The following ACTN2 variants were observed in gnomAD, a reference collection of about 807,000 sequenced individuals.
ACTN2 encodes actinin alpha 2, also known as alpha-actinin-2.
In ACTN2, 39 loss-of-function variants were observed where a neutral mutation model predicts 113.8. The observed-to-expected ratio is 0.34, with a 90% CI of 0.27 to 0.45. The LOEUF (loss-of-function observed/expected upper bound fraction) is 0.45. Among genes scored for constraint, ACTN2 ranks in the 20% least tolerant of loss-of-function variants. ACTN2 has a pLI of 1.00. For missense variants in ACTN2, 992 were observed against 1,177.9 expected (o/e 0.84, Z 2.31); for synonymous variants, 429 against 444.1 (o/e 0.97, Z 0.43).
chr1:236,745,906 G>A (rs1363750021), intron 12 of ACTN2, among the ~76,000 whole-genome samples: 1 of 152,224 alleles, frequency 6.6e-6, no homozygotes, highest in East Asian at 1.9e-4. Flanking sequence ...GCTCACGCCT[G>A]TAACCCCAGC....
At chr1:236,746,272 G>A (rs1011684567) in intron 12 of ACTN2, among the ~76,000 whole-genome samples, 6 of 151,920 alleles carry the variant, frequency 3.9e-5, no homozygotes, top group African/African-American at 1.5e-4. Context: ...GTCTAATCCT[G>A]GACTGTTTTT....
intron 7 of ACTN2, chr1:236,734,539 T>G (rs1658808700): frequency 6.7e-7 from 1 of 1,489,826 alleles, no homozygotes; most frequent in Non-Finnish European, 9.0e-7. Flanking sequence ...AAACCATGAG[T>G]CACTGCTCAC....
chr1:236,717,184 C>T (rs1658244354), intron 1 of ACTN2, among the ~76,000 whole-genome samples: 1 of 151,600 alleles, frequency 6.6e-6, no homozygotes, highest in Non-Finnish European at 1.5e-5. Flanking sequence ...TGGCTCATGC[C>T]TGTAATCCCA....
At position 236,737,298 on chromosome 1, in the gene ACTN2, C is replaced by CATATATATATAT. The variant is rs67318171; in HGVS notation, c.876+93_876+104dup. ...AGGGTGAAAAAATACTCCGTGGGGG[C>CATATATATATAT]ATATATATATATATATATATTTTGC... On this transcript the variant is annotated intron_variant, in intron 9 of 20. Coordinates refer to ENST00000366578, the MANE Select transcript of ACTN2 (RefSeq NM_001103.4). 1.2e-3 allele frequency: 396 copies of CATATATATATAT among 344,282 alleles called. 39 individuals are homozygous for CATATATATATAT. Among genetic ancestry groups the CATATATATATAT allele is most frequent in the Admixed American group, 3.2e-3 (92 of 29,172 alleles). The allele number at this position is 344,282 out of a possible 1,614,324, so 21.3% of individuals were successfully genotyped here. A position where few individuals can be genotyped will look rare whatever the true frequency, so the allele number is the denominator to read the frequency against.
At chr1:236,761,198 G>A in intron 20 of ACTN2, 25 bp downstream of exon 20, 1 of 1,613,884 alleles carries the variant, frequency 6.2e-7, no homozygotes, top group Non-Finnish European at 8.5e-7. Context: ...ATTTCCTTCT[G>A]CTTTAGCAGG....
intron 1 of ACTN2, among the ~76,000 whole-genome samples, chr1:236,688,111 G>T (rs1665940755): frequency 6.6e-6 from 1 of 152,176 alleles, no homozygotes; most frequent in African/African-American, 2.4e-5. Context: ...GATTACTAAT[G>T]TGTCATCTGG....
intron 1 of ACTN2, among the ~76,000 whole-genome samples, chr1:236,711,710 G>A (rs576535691): frequency 1.3e-5 from 2 of 152,210 alleles, no homozygotes; most frequent in South Asian, 4.1e-4. Context: ...TTCCCATCTC[G>A]GTCTTCTTTT....
At chr1:236,748,093 C>T in intron 13 of ACTN2, 1 of 336,814 alleles carries the variant, frequency 3.0e-6, no homozygotes, top group Non-Finnish European at 5.7e-6. Context: ...GTAAATTGAG[C>T]TGTGAGTGAG....
At chr1:236,716,500 T>G (rs1658217096) in intron 1 of ACTN2, among the ~76,000 whole-genome samples, 1 of 152,182 alleles carries the variant, frequency 6.6e-6, no homozygotes, top group South Asian at 2.1e-4. Context: ...TAGATGTCAC[T>G]TAATATATGG....
intron 1 of ACTN2, among the ~76,000 whole-genome samples, chr1:236,715,366 AAAAT>A (rs1276933303): frequency 1.4e-5 from 2 of 142,744 alleles, no homozygotes; most frequent in African/African-American, 5.2e-5. Flanking sequence ...ACTCATTCAA[AAAAT>A]AAATACATAA....
chr1:236,686,645 C>A lies in ACTN2; in HGVS notation c.-29C>A. ...GCCCGTGCGTCCGAGCCCCTCGCGCCCCGCCGCAGCCCCGGCCAACCGAGC... is the reference window on the plus strand; with the variant it reads ...GCCCGTGCGTCCGAGCCCCTCGCGCACCGCCGCAGCCCCGGCCAACCGAGC... On this transcript the variant is annotated 5_prime_UTR_variant, in exon 1 of 21. Coordinates refer to ENST00000366578, the MANE Select transcript of ACTN2 (RefSeq NM_001103.4). 6.5e-7 allele frequency: 1 copy of A among 1,538,530 alleles called. No homozygotes were observed. The highest frequency in any genetic ancestry group is 8.8e-7 in the Non-Finnish European group (1 of 1,142,416).
chr1:236,739,338 G>A lies in ACTN2; in HGVS notation c.913G>A (p.Glu305Lys), dbSNP rs1281750006. The change falls in exon 10 of 21, where the codon GAG becomes AAG. Residue 305 changes from glutamate to lysine, a missense_variant. Glu to Lys is a moderately conservative substitution (Grantham distance 56, BLOSUM62 1). This residue lies in a region of ACTN2 where 736 missense variants were observed against 815.4 expected (regional missense o/e 0.90). Transcript: ENST00000366578. Reference protein sequence around the residue: ...EWIRRTIPWLENRTPEKTMQA... With the variant: ...EWIRRTIPWLKNRTPEKTMQA... ...GATTCGTCGCACGATCCCCTGGCTG[G>A]AGAACCGGACTCCCGAGAAGACCAT... 1 of 1,614,104 alleles carries A rather than the reference G, an allele frequency of 6.2e-7. No homozygotes were observed. The highest frequency in any genetic ancestry group is 2.2e-5 in the East Asian group (1 of 44,880).
Position 236,754,963 on chromosome 1 carries a change from C to T in ACTN2, c.1975-56C>T. 2 of 1,610,216 alleles carry T rather than the reference C, an allele frequency of 1.2e-6. No individual in the cohort carries two copies. The highest frequency in any genetic ancestry group is 1.7e-6 in the Non-Finnish European group (2 of 1,177,040). On this transcript the variant is annotated intron_variant, in intron 16 of 20. Coordinates refer to ENST00000366578, the MANE Select transcript of ACTN2 (RefSeq NM_001103.4). The surrounding 1 kb of genome is among the most constrained non-coding windows in gnomAD (Gnocchi z 4.9). ...TGGAACGGCGCCTCGTGCCGAGCTC[C>T]CTTAGAGGGCACTTCACTCTGCTTC...
chr1:236,711,059 C>T (rs560722458), intron 1 of ACTN2, among the ~76,000 whole-genome samples: 2 of 152,318 alleles, frequency 1.3e-5, no homozygotes, highest in East Asian at 1.9e-4. Flanking sequence ...TGTATGACTC[C>T]AAGGCACGGG....
At chr1:236,720,965 C>T (rs191511524) in intron 4 of ACTN2, among the ~76,000 whole-genome samples, 6 of 141,726 alleles carry the variant, frequency 4.2e-5, no homozygotes, top group East Asian at 2.1e-4. Context: ...GGGGTGGAGA[C>T]GTTATTTATA....
chr1:236,686,905 T>C lies in ACTN2; in HGVS notation c.126+106T>C, dbSNP rs755640031. 299 of 1,224,408 alleles carry C rather than the reference T, an allele frequency of 2.4e-4. 1 individual carries two copies. Among genetic ancestry groups the C allele is most frequent in the Non-Finnish European group, 1.5e-4 (145 of 959,958 alleles). 75.8% of individuals were successfully genotyped at this position (1,224,408 alleles called of 1,614,324 possible). On this transcript the variant is annotated intron_variant, in intron 1 of 20. Transcript: ENST00000366578. ...TGGCGACTGGCGAGAGGGCGCTTTG[T>C]GGAGGTGCTGTGCTGTCCTGTGCCC...
chr1:236,739,232 AT>A (rs34704730), intron 9 of ACTN2, 69 bp from the exon 10 acceptor site: 119,961 of 915,932 alleles, frequency 0.13, 13 homozygotes, highest in South Asian at 0.15. Context: ...TGGATGCCTC[AT>A]TTTTTTTTTT....
chr1:236,707,709 C>CTTTTTTTTT (rs5781919), intron 1 of ACTN2, among the ~76,000 whole-genome samples: 44 of 78,750 alleles, frequency 5.6e-4, no homozygotes, highest in African/African-American at 1.2e-3. Context: ...TCTTTTTTTT[C>CTTTTTTTTT]TTTTTTTTTT....
chr1:236,723,022 T>C (rs1310639542), intron 4 of ACTN2, among the ~76,000 whole-genome samples: 1 of 152,168 alleles, frequency 6.6e-6, no homozygotes, highest in Non-Finnish European at 1.5e-5. Context: ...GGCCCAAGAG[T>C]GTTCACACAT....
Sources: allele counts gnomAD v4.1 joint callset (sites outside exome capture counted in the v4.1 genomes callset), GRCh38; gene constraint gnomAD v4.1.1; regional missense constraint gnomAD v4.1.1; non-coding constraint Gnocchi (gnomAD v3.1); transcripts MANE v1.5; gene names NCBI Gene and HGNC (gene_info 2026-07-23, HGNC 2026-07-21).